The following SRCIN1 variants were observed in gnomAD, a reference collection of about 807,000 sequenced individuals.
SRCIN1 encodes the protein SRC kinase signaling inhibitor 1.
Under a neutral mutation model 116.2 loss-of-function variants are expected in SRCIN1, and 50 were observed. The ratio of observed to expected loss-of-function variants is 0.43; its 90% CI spans 0.34 to 0.54. The LOEUF (loss-of-function observed/expected upper bound fraction) is 0.54, where lower values mean the gene tolerates loss of function less well. SRCIN1 is among the 20% of genes least tolerant of loss of function. The pLI is 0.02. For missense variants in SRCIN1, 1,446 were observed against 1,672.0 expected, an observed-to-expected ratio of 0.86 and a Z score of 2.36; for synonymous variants, 736 against 750.0, an observed-to-expected ratio of 0.98 and a Z score of 0.30.
intron 11 of SRCIN1, among the ~76,000 whole-genome samples, chr17:38,556,386 A>G (rs1193609167): frequency 6.6e-6 from 1 of 151,712 alleles, no homozygotes; most frequent in Non-Finnish European, 1.5e-5. Context: ...GCTGCACCTA[A>G]AGGCAGTGCC....
At chr17:38,593,873 C>CT (rs1157810925) in intron 1 of SRCIN1, among the ~76,000 whole-genome samples, 1 of 152,246 alleles carries the variant, frequency 6.6e-6, no homozygotes, top group Non-Finnish European at 1.5e-5. Context: ...CCCCTACACC[C>CT]TCACTAGGCA....
In SRCIN1 at chr17:38,552,471, G is replaced by C; in HGVS notation, c.2456C>G (p.Thr819Arg). Residue 819 changes from threonine to arginine, a missense_variant, in exon 13 of 19, where the codon ACG (threonine) becomes AGG (arginine). Thr to Arg is a moderately conservative substitution (Grantham distance 71, BLOSUM62 -1). Transcript: ENST00000617146. The surrounding 1 kb of genome is among the most constrained non-coding windows in gnomAD (Gnocchi z 5.3). ...DGLLKRCRGVTDTLAQIRRQV... is the reference protein window; with the variant it reads ...DGLLKRCRGVRDTLAQIRRQV... Reference sequence around the variant, plus strand: ...CCTTCGGATCTGGGCCAGCGTGTCCGTGACCCCGCGGCAGCGCTTGAGGAG... The same window carrying C: ...CCTTCGGATCTGGGCCAGCGTGTCCCTGACCCCGCGGCAGCGCTTGAGGAG... 1.2e-6 allele frequency: 2 copies of C among 1,602,698 alleles called. No individual in the cohort carries two copies.
intron 18 of SRCIN1, among the ~76,000 whole-genome samples, chr17:38,540,945 A>T (rs1269758228): frequency 6.6e-6 from 1 of 152,148 alleles, no homozygotes; most frequent in East Asian, 1.9e-4. Flanking sequence ...ACTGTTGAAA[A>T]TTTCCACAGG....
intron 2 of SRCIN1, 145 bp downstream of exon 2, chr17:38,578,345 C>A: frequency 9.0e-7 from 1 of 1,109,322 alleles, no homozygotes; most frequent in East Asian, 2.8e-5. Flanking sequence ...AGGGACAACT[C>A]CCCAACTCCT....
At position 38,564,178 on chromosome 17, in the gene SRCIN1, G is replaced by C. The variant is rs1056215507; in HGVS notation, c.481C>G (p.Arg161Gly). ...ELPLGFSRMN[R>G]FRQSLPLSRS... ...GAGAGAGGCAGGCTCTGTCGGAAGC[G>C]GTTCATCCTGCTGAAGCCCAGGGGC... The change falls in exon 4 of 19, where the codon CGC (arginine) becomes GGC (glycine). Residue 161 changes from arginine (R) to glycine (G), a missense_variant. Physicochemically the swap from Arg to Gly is moderately radical, Grantham distance 125. This residue lies in a region of SRCIN1 where 246 missense variants were observed against 265.1 expected (regional missense o/e 0.93). Coordinates refer to ENST00000617146, the MANE Select transcript of SRCIN1 (RefSeq NM_025248.3). 3.8e-6 allele frequency: 6 copies of C among 1,594,866 alleles called. No homozygotes were observed. The highest frequency in any genetic ancestry group is 5.1e-6 in the Non-Finnish European group (6 of 1,171,646).
Position 38,552,956 on chromosome 17 carries a change from C to G in SRCIN1, c.2202-101G>C, listed in dbSNP as rs942783199. On this transcript the variant is annotated intron_variant, in intron 11 of 18. Transcript: ENST00000617146. This position sits in a 1 kb window ranked among gnomAD's most constrained non-coding sequence, Gnocchi z 5.3. ...AAAGAAATCAGGCCACCAGTTGGAT[C>G]GAAAGTAAAAGCAGGAGGCTGGGCA... The G allele has an allele frequency of 6.6e-7, 1 of 1,520,000 alleles. No homozygotes were observed. The highest frequency in any genetic ancestry group is 8.8e-7 in the Non-Finnish European group (1 of 1,133,716). 94.2% of individuals were successfully genotyped at this position (1,520,000 alleles called of 1,614,324 possible).
chr17:38,606,144 G>A (rs1909359064), upstream of SRCIN1, among the ~76,000 whole-genome samples: 1 of 151,394 alleles, frequency 6.6e-6, no homozygotes, highest in African/African-American at 2.4e-5. This position sits in a 1 kb window ranked among gnomAD's most constrained non-coding sequence, Gnocchi z 5.2. Context: ...GGCCGGGCGC[G>A]GGGCGCGCTC....
In SRCIN1 at chr17:38,572,394, G is replaced by A. The variant is rs867575935; in HGVS notation, c.325-4163C>T. Among the ~76,000 whole-genome samples the A allele has an allele frequency of 6.6e-6, 1 of 152,274 alleles. No individual in the cohort carries two copies. The highest frequency in any genetic ancestry group is 3.4e-3 in the Middle Eastern group (1 of 294). On this transcript the variant is annotated intron_variant, in intron 2 of 18. Coordinates refer to ENST00000617146, the MANE Select transcript of SRCIN1 (RefSeq NM_025248.3). This position sits in a 1 kb window ranked among gnomAD's most constrained non-coding sequence, Gnocchi z 4.3. ...GGTGGGGGTGCTGTGGGACGCTGGG[G>A]AAGAGGGCGCACCCCGGGAAGGTCA...
intron 1 of SRCIN1, among the ~76,000 whole-genome samples, chr17:38,590,072 G>A (rs1260529573): frequency 9.2e-5 from 14 of 152,164 alleles, no homozygotes; most frequent in Non-Finnish European, 2.1e-4. Flanking sequence ...GGAATGTGGA[G>A]CACAGGCTTC....
intron 1 of SRCIN1, among the ~76,000 whole-genome samples, chr17:38,596,707 G>T (rs1908748893): frequency 6.6e-6 from 1 of 151,936 alleles, no homozygotes; most frequent in Non-Finnish European, 1.5e-5. Flanking sequence ...CTAACCCTGA[G>T]AATGCCCAGC....
At chr17:38,533,494 A>G (rs1367730928) in intron 18 of SRCIN1, 63 bp from the exon 19 acceptor site, 1 of 1,463,932 alleles carries the variant, frequency 6.8e-7, no homozygotes, top group Non-Finnish European at 9.2e-7. Flanking sequence ...GCTGGCCCCC[A>G]GCTGAAGTTT....
Position 38,591,278 on chromosome 17 carries a change from T to G in SRCIN1, c.23-12487A>C, listed in dbSNP as rs113385015. The stretch of plus-strand genomic sequence containing the variant: ...TCTCCTTCCTTAACATGAGCCACAG[T>G]CTGTGCCCATGGCCCTCAGGGGAAC... On this transcript the variant is annotated intron_variant, in intron 1 of 18. Transcript: ENST00000617146. 2.2e-3 allele frequency among the ~76,000 whole-genome samples: 336 copies of G among 152,326 alleles called. 4 individuals are homozygous for G. The highest frequency in any genetic ancestry group is 7.9e-3 in the African/African-American group (327 of 41,568).
At chr17:38,600,731 C>G (rs1908975710) in intron 1 of SRCIN1, among the ~76,000 whole-genome samples, 1 of 152,236 alleles carries the variant, frequency 6.6e-6, no homozygotes, top group Non-Finnish European at 1.5e-5. Flanking sequence ...TCTGCACACC[C>G]CATCCTAGCT....
chr17:38,552,633 G>A lies in SRCIN1; in HGVS notation c.2333-39C>T. 6.2e-7 allele frequency: 1 copy of A among 1,612,930 alleles called. No individual in the cohort carries two copies. Among genetic ancestry groups the A allele is most frequent in the Non-Finnish European group, 8.5e-7 (1 of 1,179,816 alleles). On this transcript the variant is annotated intron_variant, in intron 12 of 18. Transcript: ENST00000617146. The surrounding 1 kb of genome is among the most constrained non-coding windows in gnomAD (Gnocchi z 5.3). ...AAGGCATGAGCTGGGGCCAGAGGGA[G>A]CACCACAGACTGGGAGGAGAGGATG... is the stretch of plus-strand genomic sequence containing the variant.
intron 1 of SRCIN1, among the ~76,000 whole-genome samples, chr17:38,588,990 G>A (rs149636565): frequency 1.7e-3 from 255 of 152,288 alleles, no homozygotes; most frequent in South Asian, 3.9e-3. Flanking sequence ...GGATTCCTCC[G>A]GGTTCCCAGC....
At chr17:38,536,320 T>C (rs1191816593) in intron 18 of SRCIN1, among the ~76,000 whole-genome samples, 2 of 152,254 alleles carry the variant, frequency 1.3e-5, no homozygotes, top group Admixed American at 1.3e-4. Context: ...CTGCTGTCTC[T>C]GAAGGTTCCT....
At chr17:38,596,036 T>TG (rs1908714006) in intron 1 of SRCIN1, among the ~76,000 whole-genome samples, 1 of 151,894 alleles carries the variant, frequency 6.6e-6, no homozygotes, top group South Asian at 2.1e-4. Context: ...GGAGGAATCG[T>TG]GGGGGGCCTC....
intron 2 of SRCIN1, among the ~76,000 whole-genome samples, chr17:38,570,671 T>C (rs572767395): frequency 6.6e-6 from 1 of 152,166 alleles, no homozygotes; most frequent in Non-Finnish European, 1.5e-5. Context: ...GGGAGGGAGA[T>C]AAAGACAGGG....
intron 2 of SRCIN1, among the ~76,000 whole-genome samples, chr17:38,574,133 T>C (rs1907257682): frequency 1.3e-5 from 2 of 152,188 alleles, no homozygotes. Flanking sequence ...CTCCGCCTCC[T>C]ACAGCTGAAT....
Sources: allele counts gnomAD v4.1 joint callset (sites outside exome capture counted in the v4.1 genomes callset), GRCh38; gene constraint gnomAD v4.1.1; regional missense constraint gnomAD v4.1.1; non-coding constraint Gnocchi (gnomAD v3.1); transcripts MANE v1.5; gene names NCBI Gene and HGNC (gene_info 2026-07-23, HGNC 2026-07-21).